Variants in PTPRD observed in about 807,000 individuals in gnomAD.
The protein encoded by PTPRD is receptor-type tyrosine-protein phosphatase delta.
PTPRD carries 34 observed loss-of-function variants against 214.5 expected under a neutral mutation model. That is an observed-to-expected ratio of 0.16 (90% CI 0.12 to 0.21). PTPRD has a LOEUF of 0.21. Among genes scored for constraint, PTPRD ranks in the 10% least tolerant of loss-of-function variants. The pLI is 1.00. For missense variants in PTPRD, 2,545 were observed against 2,398.7 expected, an observed-to-expected ratio of 1.06 and a Z score of -1.27; for synonymous variants, 1,128 against 845.7, an observed-to-expected ratio of 1.33 and a Z score of -5.79.
At chr9:10,546,164 C>T (rs1474852206) in intron 2 of PTPRD, among the ~76,000 whole-genome samples, 1 of 151,976 alleles carries the variant, frequency 6.6e-6, no homozygotes, top group African/African-American at 2.4e-5. Flanking sequence ...TAAATGAAAA[C>T]ACAAACAGAC....
intron 4 of PTPRD, among the ~76,000 whole-genome samples, chr9:9,947,337 T>TATATATATA (rs1435037519): frequency 1.6e-5 from 1 of 61,186 alleles, no homozygotes; most frequent in East Asian, 1.4e-3. Flanking sequence ...ATATATGTAT[T>TATATATATA]ATATATATAA....
intron 5 of PTPRD, among the ~76,000 whole-genome samples, chr9:9,924,905 ACTC>A (rs973139026): frequency 6.6e-6 from 1 of 151,708 alleles, no homozygotes; most frequent in Non-Finnish European, 1.5e-5. Context: ...CTTGCTTTCA[ACTC>A]CTAGCTAGAG....
chr9:8,406,546 A>G (rs1272674310), intron 35 of PTPRD, among the ~76,000 whole-genome samples: 1 of 152,182 alleles, frequency 6.6e-6, no homozygotes, highest in East Asian at 1.9e-4. Context: ...CCTAAATTCT[A>G]AATTCCTACC....
At chr9:9,956,997 G>C (rs958062037) in intron 4 of PTPRD, among the ~76,000 whole-genome samples, 1 of 152,148 alleles carries the variant, frequency 6.6e-6, no homozygotes, top group Non-Finnish European at 1.5e-5. Flanking sequence ...AACCTAACAA[G>C]AGAAACTATT....
intron 2 of PTPRD, among the ~76,000 whole-genome samples, chr9:10,609,240 T>G (rs1358868254): frequency 6.6e-6 from 1 of 151,998 alleles, no homozygotes; most frequent in Non-Finnish European, 1.5e-5. Context: ...TAGAGACACA[T>G]GGATAGATAT....
chr9:10,483,778 G>T (rs1299722255), intron 2 of PTPRD, among the ~76,000 whole-genome samples: 1 of 152,090 alleles, frequency 6.6e-6, no homozygotes, highest in South Asian at 2.1e-4. Flanking sequence ...AAAAACAATA[G>T]ATGTTGGCAC....
At position 9,829,800 on chromosome 9, in the gene PTPRD, T is replaced by A. The variant is rs117940736; in HGVS notation, c.-367-62949A>T. 4.1e-3 allele frequency among the ~76,000 whole-genome samples: 617 copies of A among 151,936 alleles called. 1 individual carries two copies. The highest frequency in any genetic ancestry group is 7.3e-3 in the Non-Finnish European group (492 of 67,820). Reference sequence around the variant, plus strand: ...CTTTCAACTATAGAAACCTACATTATCATTATTATTACTTTTAAGAGATCC... The same window carrying A: ...CTTTCAACTATAGAAACCTACATTAACATTATTATTACTTTTAAGAGATCC... On this transcript the variant is annotated intron_variant, in intron 5 of 45. Coordinates refer to ENST00000381196, the MANE Select transcript of PTPRD (RefSeq NM_002839.4).
At chr9:8,464,387 C>G (rs1347612037) in intron 32 of PTPRD, among the ~76,000 whole-genome samples, 1 of 151,954 alleles carries the variant, frequency 6.6e-6, no homozygotes, top group African/African-American at 2.4e-5. Context: ...ATTAAAATTC[C>G]AGGAAGGCCA....
At chr9:9,491,173 A>G (rs927583344) in intron 8 of PTPRD, among the ~76,000 whole-genome samples, 7 of 151,970 alleles carry the variant, frequency 4.6e-5, no homozygotes, top group Non-Finnish European at 8.8e-5. Context: ...ATTTTAAAAC[A>G]GATTTTAAAT....
intron 3 of PTPRD, among the ~76,000 whole-genome samples, chr9:10,067,584 C>T (rs567408482): frequency 2.0e-5 from 3 of 151,778 alleles, no homozygotes; most frequent in East Asian, 3.9e-4. Context: ...TGAGACTCTG[C>T]GAGGAGGTAT....
chr9:8,785,074 G>T (rs1448053636), intron 11 of PTPRD, among the ~76,000 whole-genome samples: 2 of 152,112 alleles, frequency 1.3e-5, no homozygotes, highest in Non-Finnish European at 2.9e-5. Flanking sequence ...ACAGCTAACA[G>T]CTGGGCTCCT....
At chr9:10,050,274 G>A (rs183145417) in intron 3 of PTPRD, among the ~76,000 whole-genome samples, 190 of 151,818 alleles carry the variant, frequency 1.3e-3, no homozygotes, top group Non-Finnish European at 2.1e-3. Flanking sequence ...AAGAAATTAT[G>A]ACTCGGCCGG....
At chr9:9,625,895 G>A (rs1400007714) in intron 7 of PTPRD, among the ~76,000 whole-genome samples, 1 of 152,126 alleles carries the variant, frequency 6.6e-6, no homozygotes, top group East Asian at 1.9e-4. Context: ...CTCTAGAGCA[G>A]GAGTCAGCAG....
At chr9:8,615,097 T>C (rs1479589362) in intron 14 of PTPRD, among the ~76,000 whole-genome samples, 2 of 152,126 alleles carry the variant, frequency 1.3e-5, no homozygotes, top group Non-Finnish European at 2.9e-5. Flanking sequence ...TTTACCAGAA[T>C]GACATTTTAG....
intron 2 of PTPRD, among the ~76,000 whole-genome samples, chr9:10,585,708 T>A (rs1018813378): frequency 9.7e-6 from 1 of 102,964 alleles, no homozygotes; most frequent in Non-Finnish European, 1.9e-5. Context: ...ATAGTATACA[T>A]ACACACACAC....
At chr9:8,479,714 G>C (rs905848160) in intron 30 of PTPRD, among the ~76,000 whole-genome samples, 1 of 151,980 alleles carries the variant, frequency 6.6e-6, no homozygotes, top group African/African-American at 2.4e-5. Context: ...GCCTCTAAAA[G>C]GTCATTTTTA....
chr9:9,066,270 A>T, intron 10 of PTPRD, among the ~76,000 whole-genome samples: 1 of 152,022 alleles, frequency 6.6e-6, no homozygotes, highest in East Asian at 1.9e-4. Context: ...GGAAGAAATC[A>T]CTGGGGTAAA....
intron 2 of PTPRD, among the ~76,000 whole-genome samples, chr9:10,433,855 T>C (rs962109513): frequency 6.6e-6 from 1 of 151,832 alleles, no homozygotes; most frequent in African/African-American, 2.4e-5. Context: ...AATAAAGGAA[T>C]CTATAGGTTC....
At chr9:9,322,282 C>A (rs1966856831) in intron 9 of PTPRD, among the ~76,000 whole-genome samples, 1 of 152,158 alleles carries the variant, frequency 6.6e-6, no homozygotes, top group Non-Finnish European at 1.5e-5. Context: ...ATAAAAGCTA[C>A]TGATTACTGG....
Sources: gnomAD v4.1 joint callset for allele counts (sites outside exome capture counted in the v4.1 genomes callset) on GRCh38, gnomAD v4.1.1 for gene constraint, MANE v1.5 for transcripts, NCBI Gene and HGNC (gene_info 2026-07-23, HGNC 2026-07-21) for gene names.